Variants in AGGF1 observed in about 807,000 individuals in gnomAD.
AGGF1 encodes the protein angiogenic factor with G-patch and FHA domains 1.
In AGGF1, 56 loss-of-function variants were observed where a neutral mutation model predicts 86.5. The observed-to-expected ratio is 0.65, with a 90% CI of 0.52 to 0.81. The LOEUF (loss-of-function observed/expected upper bound fraction) is 0.81, where lower values mean the gene tolerates loss of function less well. AGGF1 is among the 30% of genes least tolerant of loss of function. The pLI, the probability that AGGF1 is intolerant of heterozygous loss-of-function variation, is 0.00. For synonymous variants in AGGF1, 313 were observed against 297.1 expected (o/e 1.05, Z -0.55); for missense variants, 816 against 850.9 (o/e 0.96, Z 0.51).
At chr5:77,032,632 C>A (rs976063352) in intron 1 of AGGF1, among the ~76,000 whole-genome samples, 3 of 151,614 alleles carry the variant, frequency 2.0e-5, no homozygotes, top group Admixed American at 1.3e-4. Flanking sequence ...ACATGACAGC[C>A]TTTTGAAAAG....
intron 5 of AGGF1, among the ~76,000 whole-genome samples, chr5:77,042,184 C>G (rs1307513115): frequency 7.2e-5 from 11 of 152,020 alleles, no homozygotes; most frequent in Admixed American, 7.2e-4. Context: ...TAGTGCAGAA[C>G]AAAATGAAGT....
chr5:77,065,192 TAC>T lies in AGGF1; in HGVS notation c.*1942_*1943del, dbSNP rs1366515640. Reference sequence around the variant, plus strand: ...TTTAGAAGCATAAATGTGAATTATATACAGTTTGAATTTTGCATAAATTTTTT... The same window carrying T: ...TTTAGAAGCATAAATGTGAATTATATAGTTTGAATTTTGCATAAATTTTTT... On this transcript the variant is annotated 3_prime_UTR_variant, in exon 14 of 14. Coordinates refer to ENST00000312916, the MANE Select transcript of AGGF1 (RefSeq NM_018046.5). 6.6e-6 allele frequency: 1 copy of T among 152,252 alleles called. No homozygotes were observed. Among genetic ancestry groups the T allele is most frequent in the African/African-American group, 2.4e-5 (1 of 41,478 alleles). The allele number at this position is 152,252 out of a possible 1,614,324, so 9.4% of individuals were successfully genotyped here.
chr5:77,032,399 C>T (rs954004708), intron 1 of AGGF1, among the ~76,000 whole-genome samples: 2 of 151,690 alleles, frequency 1.3e-5, no homozygotes, highest in African/African-American at 2.4e-5. Context: ...AACCCTGTCT[C>T]TAGTAAAAAT....
intron 9 of AGGF1, 86 bp from the exon 10 acceptor site, chr5:77,053,879 T>C (rs1580134400): frequency 2.2e-6 from 3 of 1,350,486 alleles, no homozygotes; most frequent in Non-Finnish European, 3.1e-6. Flanking sequence ...ATTTTAAAAA[T>C]TATAATCAGA....
chr5:77,055,533 G>A lies in AGGF1; in HGVS notation c.1653G>A (p.Lys551=). The A allele has an allele frequency of 1.9e-6, 3 of 1,603,446 alleles. No homozygotes were observed. Among genetic ancestry groups the A allele is most frequent in the South Asian group, 1.1e-5 (1 of 90,262 alleles). Residue 551 remains lysine, a synonymous_variant, in exon 11 of 14, where the codon AAG becomes AAA. Coordinates refer to ENST00000312916, the MANE Select transcript of AGGF1 (RefSeq NM_018046.5). ...TTTCAGTTGGTCCAACACTAAGTAAGGAGGAAAAAGAGTTGGAAAGAAGAA... is the reference window on the plus strand; with the variant it reads ...TTTCAGTTGGTCCAACACTAAGTAAAGAGGAAAAAGAGTTGGAAAGAAGAA... ...DESFVGPTLS[K]EEKELERRKE...
chr5:77,064,218 T>C lies in AGGF1; in HGVS notation c.*966T>C, dbSNP rs1258841750. The C allele has an allele frequency of 6.6e-6, 1 of 152,592 alleles. No homozygotes were observed. Among genetic ancestry groups the C allele is most frequent in the Non-Finnish European group, 1.5e-5 (1 of 68,030 alleles). The allele number at this position is 152,592 out of a possible 1,614,324, so 9.5% of individuals were successfully genotyped here. On this transcript the variant is annotated 3_prime_UTR_variant, in exon 14 of 14. Transcript: ENST00000312916. ...AGGAGAGCCTCAAATATTAGACAATTGCAGTGCGGCTTTCTGGGCACAGGT... is the reference window on the plus strand; with the variant it reads ...AGGAGAGCCTCAAATATTAGACAATCGCAGTGCGGCTTTCTGGGCACAGGT...
intron 1 of AGGF1, among the ~76,000 whole-genome samples, chr5:77,033,278 A>G (rs1746905085): frequency 6.6e-6 from 1 of 152,262 alleles, no homozygotes; most frequent in African/African-American, 2.4e-5. Context: ...GGGTTTGTAC[A>G]AGACCCCAAA....
intron 1 of AGGF1, 100 bp downstream of exon 1, chr5:77,031,076 A>G (rs1054585629): frequency 3.4e-5 from 41 of 1,221,772 alleles, no homozygotes; most frequent in South Asian, 2.8e-4. Flanking sequence ...GCTCAGAACT[A>G]CTGTAGAGTA....
chr5:77,040,198 T>A (rs1301966960), intron 5 of AGGF1, among the ~76,000 whole-genome samples: 1 of 151,516 alleles, frequency 6.6e-6, no homozygotes, highest in Non-Finnish European at 1.5e-5. Flanking sequence ...AACCTCCGCC[T>A]CCCAGGTTCA....
At chr5:77,043,909 G>T (rs866052037) in intron 5 of AGGF1, among the ~76,000 whole-genome samples, 2 of 109,326 alleles carry the variant, frequency 1.8e-5, no homozygotes, top group African/African-American at 6.8e-5. Flanking sequence ...ACGGGGTCTC[G>T]GCCGGGCAGA....
In AGGF1 at chr5:77,054,126, T is replaced by C. The variant is rs145435120; in HGVS notation, c.1629T>C (p.Ser543=). 1,610 of 1,614,160 alleles carry C rather than the reference T, an allele frequency of 1.0e-3. 6 individuals carry two copies. Among genetic ancestry groups the C allele is most frequent in the Non-Finnish European group, 1.3e-3 (1,506 of 1,180,018 alleles). ...AHLRLDKKDE[S]FVGPTLSKEE... ...TTCGCCTTGATAAGAAAGATGAATCTTTTGGTATGTGAAACAGATTAAATG... is the reference window on the plus strand; with the variant it reads ...TTCGCCTTGATAAGAAAGATGAATCCTTTGGTATGTGAAACAGATTAAATG... The change falls in exon 10 of 14, where the codon TCT becomes TCC. Residue 543 remains serine, a synonymous_variant. Coordinates refer to ENST00000312916, the MANE Select transcript of AGGF1 (RefSeq NM_018046.5).
Position 77,052,778 on chromosome 5 carries a change from A to T in AGGF1, c.1438A>T (p.Thr480Ser). The change falls in exon 9 of 14, where the codon ACA (threonine) becomes TCA (serine). Residue 480 changes from threonine to serine, a missense_variant. Transcript: ENST00000312916. Reference protein sequence around the residue: ...VLVDQGSQNGTIVNGKQILQP... With the variant: ...VLVDQGSQNGSIVNGKQILQP... Reference sequence around the variant, plus strand: ...TGTGGATCAAGGCAGTCAAAATGGCACAATTGTTAATGGAAAACAGATTCT... The same window carrying T: ...TGTGGATCAAGGCAGTCAAAATGGCTCAATTGTTAATGGAAAACAGATTCT... 1 of 1,613,696 alleles carries T rather than the reference A, an allele frequency of 6.2e-7. No individual in the cohort carries two copies. Among genetic ancestry groups the T allele is most frequent in the Non-Finnish European group, 8.5e-7 (1 of 1,179,738 alleles).
chr5:77,061,903 A>C, intron 13 of AGGF1, 101 bp downstream of exon 13: 1 of 1,085,140 alleles, frequency 9.2e-7, no homozygotes, highest in Non-Finnish European at 1.4e-6. Flanking sequence ...AATATAGTAG[A>C]AAGCAAAAGG....
chr5:77,043,600 C>T (rs866574880), intron 5 of AGGF1, among the ~76,000 whole-genome samples: 5 of 139,918 alleles, frequency 3.6e-5, no homozygotes, highest in African/African-American at 5.2e-5. Flanking sequence ...CCCCCCCCCC[C>T]GGATGGCACG....
At chr5:77,049,060 A>G (rs2150732381) in intron 8 of AGGF1, 73 bp downstream of exon 8, 2 of 1,480,320 alleles carry the variant, frequency 1.4e-6, no homozygotes, top group Admixed American at 3.4e-5. Flanking sequence ...TAGAAAGCTT[A>G]GGGATTTTTC....
At chr5:77,032,274 A>AG (rs201713813) in intron 1 of AGGF1, among the ~76,000 whole-genome samples, 3 of 149,040 alleles carry the variant, frequency 2.0e-5, no homozygotes, top group African/African-American at 7.4e-5. Flanking sequence ...AAAAAAAAAA[A>AG]CAGGGAGAGG....
Position 77,059,624 on chromosome 5 carries a change from A to G in AGGF1, c.1725A>G (p.Glu575=), listed in dbSNP as rs779747396. 24 of 1,605,568 alleles carry G rather than the reference A, an allele frequency of 1.5e-5. No homozygotes were observed. The South Asian group carries it at 2.6e-4, about 18-fold the overall frequency. The change falls in exon 12 of 14, where the codon GAA becomes GAG. Residue 575 remains glutamate, a synonymous_variant. Transcript: ENST00000312916. Reference sequence around the variant, plus strand: ...ATTTTGTGTTTATTAAGAATACAGAATACGAAGATGAAAAGACATTGAAGA... The same window carrying G: ...ATTTTGTGTTTATTAAGAATACAGAGTACGAAGATGAAAAGACATTGAAGA... The part of the protein sequence containing the change: ...IRVKYGLQNT[E]YEDEKTLKNP...
chr5:77,039,626 A>C lies in AGGF1; in HGVS notation c.777A>C (p.Gln259His). The change falls in exon 5 of 14, where the codon CAA becomes CAC. Residue 259 changes from glutamine (Q) to histidine (H), a missense_variant. Around this residue, in one of 3 missense-constraint regions of AGGF1, gnomAD observed 565 missense variants for 585.8 expected, o/e 0.96. Coordinates refer to ENST00000312916, the MANE Select transcript of AGGF1 (RefSeq NM_018046.5). ...AGTTTCATTCTCGAGTAGATTTGCA[A>C]CCTTATCCGACTTCTAGCACAAAAC... ...RYQFHSRVDLQPYPTSSTKQS... is the reference protein window; with the variant it reads ...RYQFHSRVDLHPYPTSSTKQS... 1 of 1,613,308 alleles carries C rather than the reference A, an allele frequency of 6.2e-7. No homozygotes were observed. Among genetic ancestry groups the C allele is most frequent in the African/African-American group, 1.3e-5 (1 of 75,012 alleles).
At position 77,036,648 on chromosome 5, in the gene AGGF1, A is replaced by G. The variant is rs1299011947; in HGVS notation, c.609A>G (p.Ser203=). ...GAGCTGCAGCAGAAGCGGCTGTATC[A>G]CAGACTGGATTTAGTTATGATGAAA... ...SLRAAAEAAV[S]QTGFSYDENT... Residue 203 remains serine (S), a synonymous_variant, in exon 4 of 14, where the codon TCA becomes TCG. Coordinates refer to ENST00000312916, the MANE Select transcript of AGGF1 (RefSeq NM_018046.5). 1 of 1,613,704 alleles carries G rather than the reference A, an allele frequency of 6.2e-7. No homozygotes were observed. The highest frequency in any genetic ancestry group is 8.5e-7 in the Non-Finnish European group (1 of 1,180,028).
Sources: gnomAD v4.1 joint callset for allele counts (sites outside exome capture counted in the v4.1 genomes callset) on GRCh38, gnomAD v4.1.1 for gene constraint, gnomAD v4.1.1 regional missense constraint, MANE v1.5 for transcripts, NCBI Gene and HGNC (gene_info 2026-07-23, HGNC 2026-07-21) for gene names.